Variants in EIF5B observed in about 807,000 individuals in gnomAD.
The protein encoded by EIF5B is eIF-5B.
Under a neutral mutation model 147.5 loss-of-function variants are expected in EIF5B, and 47 were observed. The observed-to-expected ratio is 0.32, with a 90% CI of 0.25 to 0.41. EIF5B has a LOEUF of 0.41. Among genes scored for constraint, EIF5B ranks in the 10% least tolerant of loss-of-function variants. The pLI, the probability that EIF5B is intolerant of heterozygous loss-of-function variation, is 1.00. For synonymous variants in EIF5B, 455 were observed against 456.2 expected, an observed-to-expected ratio of 1.00 and a Z score of 0.03; for missense variants, 1,064 against 1,413.2, an observed-to-expected ratio of 0.75 and a Z score of 3.96.
At chr2:99,364,118 T>C (rs1007021103) in intron 5 of EIF5B, among the ~76,000 whole-genome samples, 153 bp from the exon 6 acceptor site, 2 of 152,228 alleles carry the variant, frequency 1.3e-5, no homozygotes, top group Non-Finnish European at 2.9e-5. Flanking sequence ...TTAATAATCA[T>C]GTATAACATT....
At chr2:99,386,784 GATCCACCGCTTT>G (rs1674819352) in intron 14 of EIF5B, among the ~76,000 whole-genome samples, 1 of 152,080 alleles carries the variant, frequency 6.6e-6, no homozygotes, top group African/African-American at 2.4e-5. Flanking sequence ...GGCCTCAAGT[GATCCACCGCTTT>G]GGCCACCCAA....
chr2:99,390,941 T>C (rs897509676), intron 17 of EIF5B, among the ~76,000 whole-genome samples: 1 of 152,152 alleles, frequency 6.6e-6, no homozygotes, highest in Non-Finnish European at 1.5e-5. Context: ...TACACTGTTA[T>C]GGTTCTACAC....
In EIF5B at chr2:99,337,456, G is replaced by A. The variant is rs944969188; in HGVS notation, c.-99G>A. 3.6e-5 allele frequency: 54 copies of A among 1,486,632 alleles called. 1 individual carries two copies. In the Admixed American group the frequency reaches 1.0e-3, roughly 28 times the overall value. The allele number at this position is 1,486,632 out of a possible 1,614,324, so 92.1% of individuals were successfully genotyped here. ...CCGGGTGCGAGCGGCGGCAGCACGAGGGGAAAAGAGCTGAGCGGAGACCAA... is the reference window on the plus strand; with the variant it reads ...CCGGGTGCGAGCGGCGGCAGCACGAAGGGAAAAGAGCTGAGCGGAGACCAA... On this transcript the variant is annotated 5_prime_UTR_variant, in exon 1 of 24. Coordinates refer to ENST00000289371, the MANE Select transcript of EIF5B (RefSeq NM_015904.4).
At position 99,394,124 on chromosome 2, in the gene EIF5B, G is replaced by C. The variant is rs374244244; in HGVS notation, c.2881-143G>C. On this transcript the variant is annotated intron_variant, in intron 18 of 23. Coordinates refer to ENST00000289371, the MANE Select transcript of EIF5B (RefSeq NM_015904.4). ...AATCTCCTCCTTCATTCCAGCACAG[G>C]TTCTGTGATGCCTTGCTCTATCTAA... 1.1e-5 allele frequency: 12 copies of C among 1,056,206 alleles called. No individual in the cohort carries two copies. The South Asian group carries it at 1.5e-4, about 14-fold the overall frequency. 65.4% of individuals were successfully genotyped at this position (1,056,206 alleles called of 1,614,324 possible).
intron 9 of EIF5B, 26 bp from the exon 10 acceptor site, chr2:99,376,321 A>G (rs7558062): frequency 0.41 from 520,596 of 1,282,166 alleles, 108,956 homozygotes; most frequent in Admixed American, 0.61. Flanking sequence ...ATGTTTATTT[A>G]TTTAAAAATA....
chr2:99,387,441 G>A (rs1674836617), intron 14 of EIF5B, among the ~76,000 whole-genome samples: 1 of 152,100 alleles, frequency 6.6e-6, no homozygotes, highest in African/African-American at 2.4e-5. Context: ...CATGGAATTA[G>A]TTTGGAATCT....
At chr2:99,365,083 T>A (rs997861163) in intron 6 of EIF5B, among the ~76,000 whole-genome samples, 1 of 152,208 alleles carries the variant, frequency 6.6e-6, no homozygotes, top group African/African-American at 2.4e-5. Context: ...TTTGCTCCAA[T>A]GAGAAGAATA....
intron 11 of EIF5B, 25 bp downstream of exon 11, chr2:99,379,151 T>G (rs1674638350): frequency 6.4e-7 from 1 of 1,558,220 alleles, no homozygotes; most frequent in Admixed American, 2.0e-5. Flanking sequence ...AATGTATTGA[T>G]AGAACTTTGA....
Position 99,363,701 on chromosome 2 carries a change from GAAGAAA to G in EIF5B, c.981_986del (p.Glu331_Lys332del), listed in dbSNP as rs749864947. 37 of 1,600,884 alleles carry G rather than the reference GAAGAAA, an allele frequency of 2.3e-5. No individual in the cohort carries two copies. The highest frequency in any genetic ancestry group is 1.1e-4 in the South Asian group (10 of 87,106). On this transcript the variant is annotated inframe_deletion, in exon 5 of 24. Coordinates refer to ENST00000289371, the MANE Select transcript of EIF5B (RefSeq NM_015904.4). ...TAAGAAGAAAAAGAAAGGAGAAAAG[GAAGAAA>G]AAGAGAAAGAGAAGAAAAAAGGACC... is the stretch of plus-strand genomic sequence containing the variant.
rs1440421490 is a variant in EIF5B, at chr2:99,390,348, A to G, written c.2533A>G (p.Met845Val). The change falls in exon 16 of 24, where the codon ATG becomes GTG. Residue 845 changes from methionine to valine, a missense_variant. Coordinates refer to ENST00000289371, the MANE Select transcript of EIF5B (RefSeq NM_015904.4). ...CCTTCTTGTAGAGTTAACTCAGACC[A>G]TGTTGAGCAAGAGACTTGCACACTG... ...IYLLVELTQT[M>V]LSKRLAHCEE... 2 of 1,614,086 alleles carry G rather than the reference A, an allele frequency of 1.2e-6. No homozygotes were observed. The highest frequency in any genetic ancestry group is 2.2e-5 in the South Asian group (2 of 91,082).
chr2:99,355,309 CTA>C (rs1254843319), intron 1 of EIF5B, among the ~76,000 whole-genome samples: 1 of 152,036 alleles, frequency 6.6e-6, no homozygotes, highest in Non-Finnish European at 1.5e-5. Flanking sequence ...AACCTTGTCT[CTA>C]TTGGTTATGT....
intron 1 of EIF5B, among the ~76,000 whole-genome samples, chr2:99,346,499 G>T (rs1169806883): frequency 6.6e-6 from 1 of 151,268 alleles, no homozygotes; most frequent in African/African-American, 2.4e-5. Flanking sequence ...AGTGATTAAG[G>T]ATCAGAGTTA....
At chr2:99,345,522 A>G (rs567982759) in intron 1 of EIF5B, among the ~76,000 whole-genome samples, 1 of 137,296 alleles carries the variant, frequency 7.3e-6, no homozygotes, top group South Asian at 2.4e-4. Context: ...TGAACCCGGG[A>G]GGTGGAGGTT....
At chr2:99,373,131 C>T (rs1183766731) in intron 9 of EIF5B, among the ~76,000 whole-genome samples, 1 of 152,178 alleles carries the variant, frequency 6.6e-6, no homozygotes, top group Admixed American at 6.5e-5. Flanking sequence ...ATATAAAAGT[C>T]TACCTAAAAC....
intron 1 of EIF5B, among the ~76,000 whole-genome samples, chr2:99,353,687 C>G (rs1190903636): frequency 6.6e-6 from 1 of 152,182 alleles, no homozygotes; most frequent in East Asian, 1.9e-4. Flanking sequence ...CTACCCACCT[C>G]CCCAACCCCT....
chr2:99,390,013 G>A (rs1033739316), intron 15 of EIF5B, among the ~76,000 whole-genome samples, 164 bp downstream of exon 15: 1 of 151,940 alleles, frequency 6.6e-6, no homozygotes, highest in African/African-American at 2.4e-5. Context: ...TTTGCAGTCT[G>A]AATACTTTAA....
intron 14 of EIF5B, 200 bp from the exon 15 acceptor site, chr2:99,389,518 A>G (rs1419571011): frequency 5.6e-6 from 2 of 359,024 alleles, no homozygotes; most frequent in East Asian, 4.6e-5. Context: ...CAGGGGCAGC[A>G]TGGCACCACA....
At chr2:99,396,253 G>A (rs1675043852) in intron 21 of EIF5B, among the ~76,000 whole-genome samples, 2 of 152,194 alleles carry the variant, frequency 1.3e-5, no homozygotes, top group Non-Finnish European at 2.9e-5. Flanking sequence ...TTAAGCGTGT[G>A]CTCAATAAGC....
intron 8 of EIF5B, among the ~76,000 whole-genome samples, chr2:99,370,678 AAT>A (rs1168168154): frequency 6.6e-6 from 1 of 152,206 alleles, no homozygotes; most frequent in Non-Finnish European, 1.5e-5. Flanking sequence ...GTTAGTAAAT[AAT>A]GATTATTTCA....
Sources: gnomAD v4.1 joint callset for allele counts (sites outside exome capture counted in the v4.1 genomes callset) on GRCh38, gnomAD v4.1.1 for gene constraint, MANE v1.5 for transcripts, NCBI Gene and HGNC (gene_info 2026-07-23, HGNC 2026-07-21) for gene names.